The following CYLD variants were observed in gnomAD, a reference collection of about 807,000 sequenced individuals.
CYLD encodes CYLD lysine 63 deubiquitinase.
In CYLD, 26 loss-of-function variants were observed where a neutral mutation model predicts 104.5. The ratio of observed to expected loss-of-function variants is 0.25; its 90% CI spans 0.18 to 0.35. The LOEUF (loss-of-function observed/expected upper bound fraction) is 0.35. Ranked by LOEUF, CYLD falls within the 10% of genes least tolerant of loss-of-function variation. CYLD has a pLI of 1.00. For missense variants in CYLD, 703 were observed against 1,136.1 expected (o/e 0.62, Z 5.48); for synonymous variants, 385 against 399.9 (o/e 0.96, Z 0.45).
In CYLD at chr16:50,795,796, A is replaced by G. The variant is rs150842871; in HGVS notation, c.2687-528A>G. The G allele has an allele frequency of 1.1e-3, 610 of 563,208 alleles. 10 individuals carry two copies. The East Asian group carries it at 0.017, about 15-fold the overall frequency. 34.9% of individuals were successfully genotyped at this position (563,208 alleles called of 1,614,324 possible). On this transcript the variant is annotated intron_variant, in intron 18 of 18. Transcript: ENST00000427738. ...TTTGGAAAAGCCACTGAGGTAACCC[A>G]GAGGAGCCTTTCCTGGAATCTCTGA...
At chr16:50,793,718 T>C in intron 17 of CYLD, 54 bp downstream of exon 17, 3 of 1,152,514 alleles carry the variant, frequency 2.6e-6, no homozygotes, top group Non-Finnish European at 4.0e-6. Flanking sequence ...AACTTATTTA[T>C]AGTTGAAAAC....
chr16:50,744,096 TCA>T (rs1190519373), intron 2 of CYLD, among the ~76,000 whole-genome samples: 3 of 152,154 alleles, frequency 2.0e-5, no homozygotes, highest in African/African-American at 7.2e-5. Context: ...CTTGGGGAAT[TCA>T]CAGTTTGGCA....
intron 5 of CYLD, among the ~76,000 whole-genome samples, chr16:50,769,450 A>G (rs965828810): frequency 1.3e-5 from 2 of 152,124 alleles, no homozygotes; most frequent in African/African-American, 4.8e-5. Flanking sequence ...TTCCATGTGC[A>G]TATTTGTCAT....
At chr16:50,751,088 A>G (rs1490466625) in intron 3 of CYLD, among the ~76,000 whole-genome samples, 1 of 152,212 alleles carries the variant, frequency 6.6e-6, no homozygotes, top group Non-Finnish European at 1.5e-5. Flanking sequence ...ATTGTAAACA[A>G]TTAGGAATTT....
At chr16:50,750,733 C>T (rs1043587037) in intron 3 of CYLD, among the ~76,000 whole-genome samples, 2 of 152,008 alleles carry the variant, frequency 1.3e-5, no homozygotes, top group African/African-American at 4.8e-5. Flanking sequence ...TAAACATGAA[C>T]GCTACCAGTT....
intron 5 of CYLD, among the ~76,000 whole-genome samples, chr16:50,766,795 G>A (rs1490342572): frequency 6.6e-6 from 1 of 152,194 alleles, no homozygotes; most frequent in African/African-American, 2.4e-5. Flanking sequence ...AGAACTAGAG[G>A]TGGAGCCTGA....
chr16:50,796,039 G>A (rs1972012560), intron 18 of CYLD, among the ~76,000 whole-genome samples: 1 of 152,140 alleles, frequency 6.6e-6, no homozygotes, highest in Non-Finnish European at 1.5e-5. Context: ...CATATGTATT[G>A]ATAATATGAT....
intron 8 of CYLD, 130 bp from the exon 9 acceptor site, chr16:50,779,535 C>A: frequency 1.3e-6 from 1 of 793,484 alleles, no homozygotes; most frequent in South Asian, 1.6e-5. Flanking sequence ...TTTGTGATGC[C>A]TATGAGAGTA....
In CYLD at chr16:50,792,795, C is replaced by T. The variant is rs1215115748; in HGVS notation, c.2350+90C>T. On this transcript the variant is annotated intron_variant, in intron 16 of 18. Transcript: ENST00000427738. ...AGTTGTGGGTTAGACTCTAACTGGA[C>T]ACAGTATTTCCCAAGGCAATTCAGT... The T allele has an allele frequency of 4.2e-6, 3 of 719,798 alleles. No homozygotes were observed. The African/African-American group carries it at 5.3e-5, about 13-fold the overall frequency. 44.6% of individuals were successfully genotyped at this position (719,798 alleles called of 1,614,324 possible). A position where few individuals can be genotyped will look rare whatever the true frequency, so the allele number is the denominator to read the frequency against.
intron 5 of CYLD, among the ~76,000 whole-genome samples, chr16:50,763,123 A>G (rs1968135409): frequency 6.6e-6 from 1 of 152,120 alleles, no homozygotes; most frequent in African/African-American, 2.4e-5. Context: ...ATCACATTAT[A>G]TGTGGTCTTT....
chr16:50,756,935 A>G (rs1596993532), intron 5 of CYLD, among the ~76,000 whole-genome samples: 1 of 152,142 alleles, frequency 6.6e-6, no homozygotes, highest in Non-Finnish European at 1.5e-5. Flanking sequence ...CCCCACCCCA[A>G]ATCCTATCTG....
intron 5 of CYLD, among the ~76,000 whole-genome samples, chr16:50,772,854 C>A (rs1969299729): frequency 6.6e-6 from 1 of 152,092 alleles, no homozygotes; most frequent in Non-Finnish European, 1.5e-5. Flanking sequence ...AGAGCTGGAG[C>A]CCTGAAGAAG....
Position 50,800,301 on chromosome 16 carries a change from G to C in CYLD, c.*3793G>C, listed in dbSNP as rs1464580963. On this transcript the variant is annotated 3_prime_UTR_variant, in exon 19 of 19. Coordinates refer to ENST00000427738, the MANE Select transcript of CYLD (RefSeq NM_001378743.1). ...AATCCCCAGGGGAATCTCGTGACCA[G>C]CCAGGTGTGAAATCTGCTAACTGGA... The C allele has an allele frequency of 4.3e-6, 1 of 233,392 alleles. No homozygotes were observed. The highest frequency in any genetic ancestry group is 8.5e-6 in the Non-Finnish European group (1 of 118,010). The allele number at this position is 233,392 out of a possible 1,614,324, so 14.5% of individuals were successfully genotyped here.
At chr16:50,786,992 T>G (rs1970903673) in intron 13 of CYLD, 46 bp downstream of exon 13, 2 of 1,440,504 alleles carry the variant, frequency 1.4e-6, no homozygotes, top group Non-Finnish European at 2.0e-6. Flanking sequence ...GAAGAGCATA[T>G]TCACATGTCA....
chr16:50,751,198 T>C (rs1966586444), intron 3 of CYLD, among the ~76,000 whole-genome samples: 1 of 152,254 alleles, frequency 6.6e-6, no homozygotes, highest in African/African-American at 2.4e-5. Flanking sequence ...ATGGTGTTAA[T>C]AGTACATGAC....
chr16:50,747,635 T>TA (rs1177659072), intron 2 of CYLD, among the ~76,000 whole-genome samples: 1 of 152,224 alleles, frequency 6.6e-6, no homozygotes, highest in African/African-American at 2.4e-5. Context: ...AGGGGTTGGA[T>TA]AGCTGTTTGG....
chr16:50,797,813 G>C lies in CYLD; in HGVS notation c.*1305G>C, dbSNP rs899732263. On this transcript the variant is annotated 3_prime_UTR_variant, in exon 19 of 19. Transcript: ENST00000427738. Reference sequence around the variant, plus strand: ...AGTGGAAAGAATCTTTACAAACCCTGCAATTACTTTTTTAAAGGCACTTTT... The same window carrying C: ...AGTGGAAAGAATCTTTACAAACCCTCCAATTACTTTTTTAAAGGCACTTTT... The C allele has an allele frequency of 4.3e-6, 1 of 232,414 alleles. No homozygotes were observed. The highest frequency in any genetic ancestry group is 8.5e-6 in the Non-Finnish European group (1 of 117,658). 14.4% of individuals were successfully genotyped at this position (232,414 alleles called of 1,614,324 possible).
Position 50,791,701 on chromosome 16 carries a change from C to T in CYLD, c.2241+11C>T, listed in dbSNP as rs1971446470. ...CTGAAATTTGCAGAGGTTAGTGATA[C>T]TCACCTGTGGTATTTTATGTGAAAG... On this transcript the variant is annotated intron_variant, in intron 15 of 18. Transcript: ENST00000427738. The T allele has an allele frequency of 6.2e-7, 1 of 1,613,374 alleles. No homozygotes were observed. The highest frequency in any genetic ancestry group is 1.3e-5 in the African/African-American group (1 of 74,900).
chr16:50,754,743 CTGAG>C (rs967061703), intron 5 of CYLD, among the ~76,000 whole-genome samples: 2 of 151,550 alleles, frequency 1.3e-5, no homozygotes, highest in Non-Finnish European at 2.9e-5. Context: ...CTTTCCATTC[CTGAG>C]TTATTATACT....
Sources: gnomAD v4.1 joint callset for allele counts (sites outside exome capture counted in the v4.1 genomes callset) on GRCh38, gnomAD v4.1.1 for gene constraint, MANE v1.5 for transcripts, NCBI Gene and HGNC (gene_info 2026-07-23, HGNC 2026-07-21) for gene names.